The following LAMA3 variants were observed in gnomAD, a reference collection of about 807,000 sequenced individuals.
LAMA3 encodes laminin subunit alpha-3.
A neutral mutation model predicts 402.0 loss-of-function variants in LAMA3; 281 were observed. The observed-to-expected ratio is 0.70, with a 90% confidence interval of 0.63 to 0.77. The LOEUF (loss-of-function observed/expected upper bound fraction) is 0.77, where lower values mean the gene tolerates loss of function less well. Ranked by LOEUF, LAMA3 falls within the 30% of genes least tolerant of loss-of-function variation. LAMA3 has a pLI of 0.00. For missense variants in LAMA3, 3,840 were observed against 4,215.5 expected (o/e 0.91, Z 2.47); for synonymous variants, 1,431 against 1,558.4 (o/e 0.92, Z 1.93).
intron 70 of LAMA3, among the ~76,000 whole-genome samples, chr18:23,947,276 T>C (rs1367803019): frequency 6.6e-6 from 1 of 152,168 alleles, no homozygotes; most frequent in Non-Finnish European, 1.5e-5. Flanking sequence ...CACCTGTCTT[T>C]CTTGTCTCAG....
Position 23,842,519 on chromosome 18 carries a change from C to G in LAMA3, c.3461C>G (p.Ala1154Gly), listed in dbSNP as rs774892817. 1.9e-4 allele frequency: 304 copies of G among 1,614,096 alleles called. No homozygotes were observed. Among genetic ancestry groups the G allele is most frequent in the Non-Finnish European group, 2.5e-4 (299 of 1,180,040 alleles). The change falls in exon 28 of 75, where the codon GCA (alanine) becomes GGA (glycine). Residue 1154 changes from alanine (A) to glycine (G), a missense_variant and splice_region_variant. Physicochemically the swap from Ala to Gly is moderately conservative, Grantham distance 60. This residue lies in a region of LAMA3 where 2,109 missense variants were observed against 2,376.0 expected (regional missense o/e 0.89). Coordinates refer to ENST00000313654, the MANE Select transcript of LAMA3 (RefSeq NM_198129.4). The stretch of plus-strand genomic sequence containing the variant: ...TCGGTGGATGGCGGGTGGCCACGGG[C>G]AGGTGAGCTGCAGTGAGCAGGCCCT... ...QVSVDGGWPRAGSFHASFCPH... is the reference protein window; with the variant it reads ...QVSVDGGWPRGGSFHASFCPH...
chr18:23,925,211 G>A (rs2081970321), intron 62 of LAMA3, among the ~76,000 whole-genome samples: 1 of 152,222 alleles, frequency 6.6e-6, no homozygotes, highest in African/African-American at 2.4e-5. Flanking sequence ...GCAAGCAAGT[G>A]TAATCACTAA....
At chr18:23,830,668 A>G (rs1598877882) in intron 23 of LAMA3, among the ~76,000 whole-genome samples, 1 of 152,168 alleles carries the variant, frequency 6.6e-6, no homozygotes, top group East Asian at 1.9e-4. Context: ...TGCCTCTCTC[A>G]CCGCTTCCTC....
At chr18:23,833,785 G>A in intron 23 of LAMA3, 43 bp from the exon 24 acceptor site, 1 of 1,610,426 alleles carries the variant, frequency 6.2e-7, no homozygotes, top group Admixed American at 1.7e-5. Context: ...GCCTGTACAT[G>A]TCACAGCTGG....
At chr18:23,736,374 T>C (rs1406727879) in intron 2 of LAMA3, among the ~76,000 whole-genome samples, 1 of 151,060 alleles carries the variant, frequency 6.6e-6, no homozygotes, top group Non-Finnish European at 1.5e-5. Flanking sequence ...TTTTGATGAC[T>C]ATAGGGTGGT....
Position 23,871,507 on chromosome 18 carries a change from A to G in LAMA3, c.4844A>G (p.Asp1615Gly). The G allele has an allele frequency of 6.2e-7, 1 of 1,614,186 alleles. No homozygotes were observed. Among genetic ancestry groups the G allele is most frequent in the Middle Eastern group, 1.6e-4 (1 of 6,062 alleles). ...ATGACAGTGCTGTCTAGACTGGCAG[A>G]TGTGCGCATCCAAGGCCTCTACTTC... Reference protein sequence around the residue: ...ELMTVLSRLADVRIQGLYFTE... With the variant: ...ELMTVLSRLAGVRIQGLYFTE... Residue 1615 changes from aspartate (D) to glycine (G), a missense_variant, in exon 38 of 75, where the codon GAT (aspartate) becomes GGT (glycine). By Grantham distance (94) the Asp-to-Gly change is moderately conservative. Transcript: ENST00000313654.
At chr18:23,748,139 T>G in intron 3 of LAMA3, 79 bp downstream of exon 3, 1 of 972,132 alleles carries the variant, frequency 1.0e-6, no homozygotes, top group Non-Finnish European at 1.7e-6. Flanking sequence ...AATTAGAAAA[T>G]TAATCTTGGC....
At chr18:23,798,492 G>T (rs1261559091) in intron 12 of LAMA3, among the ~76,000 whole-genome samples, 2 of 152,172 alleles carry the variant, frequency 1.3e-5, no homozygotes, top group Non-Finnish European at 2.9e-5. Flanking sequence ...GAAGTGCCCT[G>T]CTGACGAGGA....
chr18:23,920,886 T>G (rs766921264), intron 60 of LAMA3, 49 bp from the exon 61 acceptor site: 8 of 1,611,488 alleles, frequency 5.0e-6, no homozygotes, highest in Non-Finnish European at 5.9e-6. Flanking sequence ...GTGCTCTGCC[T>G]CTTCTTCAGC....
In LAMA3 at chr18:23,899,035, A is replaced by G. The variant is rs2080974655; in HGVS notation, c.5806A>G (p.Lys1936Glu). ...ATQSAKELDV[K>E]IKNVIRNVHI... ...ACAAAGCGCAAAAGAACTGGATGTG[A>G]AGATTAAAAATGTCATCCGGAATGT... Residue 1936 changes from lysine to glutamate, a missense_variant, in exon 46 of 75, where the codon AAG becomes GAG. Coordinates refer to ENST00000313654, the MANE Select transcript of LAMA3 (RefSeq NM_198129.4). The G allele has an allele frequency of 3.7e-6, 6 of 1,613,808 alleles. No individual in the cohort carries two copies. Among genetic ancestry groups the G allele is most frequent in the Non-Finnish European group, 5.1e-6 (6 of 1,179,822 alleles).
chr18:23,804,223 T>C (rs986710836), intron 12 of LAMA3, among the ~76,000 whole-genome samples: 7 of 152,206 alleles, frequency 4.6e-5, no homozygotes, highest in Non-Finnish European at 1.5e-5. Flanking sequence ...TGCACTGTCG[T>C]TCACTTATGT....
chr18:23,786,129 A>G (rs1340869119), intron 12 of LAMA3, among the ~76,000 whole-genome samples: 1 of 152,226 alleles, frequency 6.6e-6, no homozygotes, highest in Non-Finnish European at 1.5e-5. Context: ...ATAGCAAATG[A>G]AGAAACAATT....
At chr18:23,933,075 C>T (rs2082212682) in intron 66 of LAMA3, among the ~76,000 whole-genome samples, 1 of 152,200 alleles carries the variant, frequency 6.6e-6, no homozygotes, top group Non-Finnish European at 1.5e-5. Context: ...TGAGATAAAG[C>T]AAATTTGTCC....
intron 38 of LAMA3, among the ~76,000 whole-genome samples, chr18:23,872,383 CTATAAG>C (rs1462279846): frequency 2.6e-5 from 4 of 152,266 alleles, no homozygotes; most frequent in Admixed American, 1.3e-4. Flanking sequence ...ATTTCTCTGG[CTATAAG>C]TATGTCTTTT....
intron 12 of LAMA3, among the ~76,000 whole-genome samples, chr18:23,797,797 T>A (rs1316793019): frequency 6.6e-6 from 1 of 152,172 alleles, no homozygotes; most frequent in Non-Finnish European, 1.5e-5. Flanking sequence ...TAGTCCTGGA[T>A]TTATGTTTTG....
At chr18:23,787,987 A>G (rs573186366) in intron 12 of LAMA3, among the ~76,000 whole-genome samples, 163 of 152,276 alleles carry the variant, frequency 1.1e-3, no homozygotes, top group Non-Finnish European at 1.8e-3. Context: ...ACATACATAC[A>G]TAAATATGGG....
chr18:23,913,863 A>G (rs2081517624), intron 56 of LAMA3, among the ~76,000 whole-genome samples: 1 of 152,236 alleles, frequency 6.6e-6, no homozygotes, highest in Admixed American at 6.5e-5. Flanking sequence ...TTATTCTCGA[A>G]TGTACTTAAT....
chr18:23,905,737 AGAT>A (rs2081225562), intron 52 of LAMA3, 113 bp downstream of exon 52: 1 of 621,996 alleles, frequency 1.6e-6, no homozygotes, highest in African/African-American at 1.9e-5. Context: ...GTGTCAATGC[AGAT>A]GATACCCTTT....
chr18:23,816,281 A>C, intron 17 of LAMA3, 107 bp from the exon 18 acceptor site: 1 of 803,630 alleles, frequency 1.2e-6, no homozygotes, highest in Admixed American at 2.0e-5. Flanking sequence ...GAAAGAAGGC[A>C]GGCACTGTGT....
Sources: allele counts gnomAD v4.1 joint callset (sites outside exome capture counted in the v4.1 genomes callset), GRCh38; gene constraint gnomAD v4.1.1; regional missense constraint gnomAD v4.1.1; transcripts MANE v1.5; gene names NCBI Gene and HGNC (gene_info 2026-07-23, HGNC 2026-07-21).